RBFOX1: variants seen among roughly 807,000 people sequenced by gnomAD.
RBFOX1 encodes RNA binding fox-1 homolog 1, also known as RNA binding protein fox-1 homolog 1.
A neutral mutation model predicts 57.7 loss-of-function variants in RBFOX1; 8 were observed. The observed-to-expected ratio is 0.14, with a 90% CI of 0.08 to 0.25. The LOEUF (loss-of-function observed/expected upper bound fraction) is 0.25. RBFOX1 is among the 10% of genes least tolerant of loss of function. The probability of loss-of-function intolerance (pLI) is 1.00; values close to 1 mark genes in which losing one functional copy is unlikely to be tolerated. For missense variants in RBFOX1, 611 were observed against 548.5 expected, an observed-to-expected ratio of 1.11 and a Z score of -1.14; for synonymous variants, 326 against 222.4, an observed-to-expected ratio of 1.47 and a Z score of -4.15.
chr16:7,141,306 C>T (rs1038489461), intron 4 of RBFOX1, among the ~76,000 whole-genome samples: 1 of 152,100 alleles, frequency 6.6e-6, no homozygotes, highest in Non-Finnish European at 1.5e-5. Flanking sequence ...ATTATTCACC[C>T]ACGGAATACC....
At chr16:6,664,257 A>T (rs547223708) in intron 3 of RBFOX1, among the ~76,000 whole-genome samples, 13 of 152,262 alleles carry the variant, frequency 8.5e-5, no homozygotes, top group African/African-American at 3.1e-4. Flanking sequence ...TTTACATCCT[A>T]TGCAAATTCC....
chr16:5,480,581 T>G (rs1267768938), intron 2 of RBFOX1, among the ~76,000 whole-genome samples: 1 of 152,222 alleles, frequency 6.6e-6, no homozygotes, highest in Non-Finnish European at 1.5e-5. Flanking sequence ...CCCAGCCTAT[T>G]TTAGTTCCCA....
chr16:6,021,164 C>A (rs573794300), intron 1 of RBFOX1, among the ~76,000 whole-genome samples: 1 of 152,282 alleles, frequency 6.6e-6, no homozygotes, highest in East Asian at 1.9e-4. Flanking sequence ...GTTGAAACAT[C>A]ATGTCTCCTA....
intron 2 of RBFOX1, among the ~76,000 whole-genome samples, chr16:5,588,001 C>T (rs1421175978): frequency 6.6e-6 from 1 of 152,092 alleles, no homozygotes; most frequent in Non-Finnish European, 1.5e-5. Flanking sequence ...GGTGGTCTCT[C>T]TATGCAATAG....
At chr16:7,087,560 G>C (rs368379715) in intron 4 of RBFOX1, among the ~76,000 whole-genome samples, 2 of 145,272 alleles carry the variant, frequency 1.4e-5, no homozygotes, top group East Asian at 2.2e-4. Flanking sequence ...AAGAGAGAGA[G>C]AGAAGGAGGG....
At chr16:6,846,912 C>T (rs1284184463) in intron 3 of RBFOX1, among the ~76,000 whole-genome samples, 1 of 144,602 alleles carries the variant, frequency 6.9e-6, no homozygotes, top group East Asian at 1.9e-4. Context: ...CTAAATTACC[C>T]TAGGAAACAA....
intron 3 of RBFOX1, among the ~76,000 whole-genome samples, chr16:6,971,791 T>TG (rs2085608852): frequency 6.6e-6 from 1 of 151,988 alleles, no homozygotes; most frequent in Admixed American, 6.6e-5. Context: ...CTGCTTCTGT[T>TG]GGGTGTGGAG....
At chr16:6,923,832 A>AC in intron 3 of RBFOX1, among the ~76,000 whole-genome samples, 1 of 152,224 alleles carries the variant, frequency 6.6e-6, no homozygotes, top group Admixed American at 6.5e-5. Flanking sequence ...CAGGCAAGTG[A>AC]CTGAACCTCT....
chr16:6,518,797 G>GTCTGTTTATCTA (rs1278136972), intron 2 of RBFOX1, among the ~76,000 whole-genome samples: 1 of 103,980 alleles, frequency 9.6e-6, no homozygotes, highest in African/African-American at 3.5e-5. Context: ...CTGTGTGTCT[G>GTCTGTTTATCTA]TCTATCTATC....
chr16:6,898,870 T>C (rs951043295), intron 3 of RBFOX1, among the ~76,000 whole-genome samples: 1 of 142,140 alleles, frequency 7.0e-6, no homozygotes. Context: ...ATTACACACA[T>C]GTACACGTGT....
Position 7,075,925 on chromosome 16 carries a change from C to T in RBFOX1, c.27+23827C>T, listed in dbSNP as rs188417846. ...TAAACAATTTCCTGTAACTGAATAA[C>T]CATGGCTTTATTTGAATGAGGCATA... On this transcript the variant is annotated intron_variant, in intron 4 of 15. Transcript: ENST00000550418. 1.2e-3 allele frequency among the ~76,000 whole-genome samples: 189 copies of T among 152,094 alleles called. 1 individual carries two copies. The highest frequency in any genetic ancestry group is 2.0e-3 in the Non-Finnish European group (136 of 67,976).
chr16:6,834,259 G>C (rs944147079), intron 3 of RBFOX1, among the ~76,000 whole-genome samples: 8 of 151,868 alleles, frequency 5.3e-5, no homozygotes, highest in African/African-American at 1.9e-4. Context: ...TTTTTTAGTA[G>C]AGATGGGGGT....
intron 3 of RBFOX1, among the ~76,000 whole-genome samples, chr16:6,825,187 T>G (rs925501172): frequency 6.7e-6 from 1 of 149,816 alleles, no homozygotes; most frequent in African/African-American, 2.5e-5. Flanking sequence ...TCCTTTCTTG[T>G]GGGGGGGCTG....
At chr16:6,894,973 G>C (rs1022289879) in intron 3 of RBFOX1, among the ~76,000 whole-genome samples, 3 of 152,024 alleles carry the variant, frequency 2.0e-5, no homozygotes, top group Admixed American at 6.5e-5. Flanking sequence ...CACCCTTCCA[G>C]AACTAACAGA....
chr16:5,720,730 C>T (rs1473468059), intron 3 of RBFOX1, among the ~76,000 whole-genome samples: 1 of 152,196 alleles, frequency 6.6e-6, no homozygotes, highest in Non-Finnish European at 1.5e-5. Flanking sequence ...TCAAAAATCA[C>T]TTATTCGTAA....
intron 3 of RBFOX1, among the ~76,000 whole-genome samples, chr16:6,840,699 C>T (rs1406633173): frequency 6.6e-6 from 1 of 151,702 alleles, no homozygotes; most frequent in African/African-American, 2.4e-5. Flanking sequence ...CCATCCTGGC[C>T]AACATGGTGA....
chr16:7,025,034 C>T (rs1328916687), intron 3 of RBFOX1, among the ~76,000 whole-genome samples: 2 of 152,142 alleles, frequency 1.3e-5, no homozygotes, highest in African/African-American at 4.8e-5. Context: ...AGAGAGCGTT[C>T]TCAGATCTCC....
chr16:6,124,602 A>C (rs2096575501), intron 1 of RBFOX1, among the ~76,000 whole-genome samples: 1 of 152,118 alleles, frequency 6.6e-6, no homozygotes, highest in Admixed American at 6.6e-5. Context: ...TCCCAGGTTC[A>C]AGCAATCCTC....
intron 4 of RBFOX1, among the ~76,000 whole-genome samples, chr16:7,491,361 CTCT>C (rs1220413369): frequency 3.8e-5 from 4 of 104,674 alleles, no homozygotes; most frequent in African/African-American, 1.1e-4. Flanking sequence ...TAGTAAGGGA[CTCT>C]TCTTGGGTTT....
Sources: allele counts gnomAD v4.1 joint callset (sites outside exome capture counted in the v4.1 genomes callset), GRCh38; gene constraint gnomAD v4.1.1; transcripts MANE v1.5; gene names NCBI Gene and HGNC (gene_info 2026-07-23, HGNC 2026-07-21).